The following SRBD1 variants were observed in gnomAD, a reference collection of about 807,000 sequenced individuals.
SRBD1 encodes the protein S1 RNA-binding domain-containing protein 1.
SRBD1 carries 88 observed loss-of-function variants against 115.3 expected under a neutral mutation model. The observed-to-expected ratio is 0.76, with a 90% CI of 0.64 to 0.91. The LOEUF is 0.91. SRBD1 is among the 40% of genes least tolerant of loss of function. The probability of loss-of-function intolerance (pLI) is 0.00; values close to 1 mark genes in which losing one functional copy is unlikely to be tolerated. For missense variants in SRBD1, 1,385 were observed against 1,177.4 expected (o/e 1.18, Z -2.58); for synonymous variants, 509 against 407.7 (o/e 1.25, Z -2.99).
chr2:45,544,429 A>C (rs1341760571), intron 14 of SRBD1, among the ~76,000 whole-genome samples: 2 of 152,194 alleles, frequency 1.3e-5, no homozygotes, highest in Admixed American at 6.5e-5. Context: ...AAGCTAAAAG[A>C]GGATTAAAAC....
At chr2:45,405,434 G>A (rs1252873809) in intron 19 of SRBD1, among the ~76,000 whole-genome samples, 1 of 152,162 alleles carries the variant, frequency 6.6e-6, no homozygotes, top group Non-Finnish European at 1.5e-5. Flanking sequence ...TAGAAACATA[G>A]AGTTTCCATT....
At chr2:45,546,906 G>T in intron 13 of SRBD1, 67 bp from the exon 14 acceptor site, 1 of 1,418,654 alleles carries the variant, frequency 7.0e-7, no homozygotes, top group Non-Finnish European at 1.0e-6. Flanking sequence ...TGGAGAAAAT[G>T]TACAGAATGC....
chr2:45,446,190 C>G (rs1668819344), intron 16 of SRBD1, among the ~76,000 whole-genome samples: 1 of 152,182 alleles, frequency 6.6e-6, no homozygotes, highest in African/African-American at 2.4e-5. Context: ...TGATTCCCAG[C>G]AGGTTGGCTT....
intron 15 of SRBD1, among the ~76,000 whole-genome samples, chr2:45,487,391 A>G (rs1253543251): frequency 6.6e-6 from 1 of 152,142 alleles, no homozygotes; most frequent in Non-Finnish European, 1.5e-5. Flanking sequence ...ACTCTTCCAC[A>G]TTATAGAAAT....
intron 7 of SRBD1, 99 bp downstream of exon 7, chr2:45,579,776 G>A: frequency 7.7e-7 from 1 of 1,305,194 alleles, no homozygotes; most frequent in South Asian, 2.2e-5. Context: ...ATATTCTTTT[G>A]TATAATCAGT....
intron 10 of SRBD1, 44 bp downstream of exon 10, chr2:45,562,609 T>C (rs1383411636): frequency 1.4e-6 from 2 of 1,426,992 alleles, no homozygotes; most frequent in Non-Finnish European, 9.6e-7. Context: ...TATCATATTT[T>C]AGAAAAGAAA....
chr2:45,591,181 C>A (rs1174687503), intron 4 of SRBD1, among the ~76,000 whole-genome samples: 1 of 152,138 alleles, frequency 6.6e-6, no homozygotes, highest in Non-Finnish European at 1.5e-5. Context: ...AACCTAAGAT[C>A]AGTGCTTAAG....
chr2:45,594,305 G>C (rs567306562), intron 4 of SRBD1, among the ~76,000 whole-genome samples: 1 of 152,046 alleles, frequency 6.6e-6, no homozygotes, highest in African/African-American at 2.4e-5. Context: ...TAATAAAAAA[G>C]GTTTTGTTTG....
In SRBD1 at chr2:45,413,136, CTG is replaced by C; in HGVS notation, c.2489_2490del (p.Pro830ArgfsTer4). The C allele has an allele frequency of 6.2e-7, 1 of 1,613,934 alleles. No homozygotes were observed. The highest frequency in any genetic ancestry group is 8.5e-7 in the Non-Finnish European group (1 of 1,179,910). ...TACCTCATTGCTATGTCATATGATT[CTG>C]GATGAATACAAGTTTGGTCCAAAGG... ...PNPLDQTCIH[P>X]ESYDIAMRFL... On this transcript the variant is annotated frameshift_variant, in exon 19 of 21. Coordinates refer to ENST00000263736, the MANE Select transcript of SRBD1 (RefSeq NM_018079.5). LOFTEE classifies it high-confidence loss of function.
intron 16 of SRBD1, among the ~76,000 whole-genome samples, chr2:45,441,519 A>T (rs1668668207): frequency 6.6e-6 from 1 of 152,194 alleles, no homozygotes; most frequent in Non-Finnish European, 1.5e-5. Flanking sequence ...GTTTAGTTGA[A>T]GATCTCTTTG....
chr2:45,497,298 T>G (rs1160010832), intron 14 of SRBD1, among the ~76,000 whole-genome samples: 1 of 152,202 alleles, frequency 6.6e-6, no homozygotes. Flanking sequence ...GCCAGTTTAT[T>G]TTTACTGTCA....
intron 15 of SRBD1, among the ~76,000 whole-genome samples, chr2:45,485,500 C>T (rs1239712258): frequency 6.6e-6 from 1 of 152,146 alleles, no homozygotes; most frequent in African/African-American, 2.4e-5. Context: ...CAATCTTCCA[C>T]TTTAAATCCA....
At chr2:45,465,867 G>T (rs1056271915) in intron 16 of SRBD1, among the ~76,000 whole-genome samples, 11 of 152,124 alleles carry the variant, frequency 7.2e-5, no homozygotes, top group African/African-American at 2.7e-4. Flanking sequence ...AAACACAAAA[G>T]ACACATTTTC....
intron 14 of SRBD1, among the ~76,000 whole-genome samples, chr2:45,538,193 GA>G (rs1671825140): frequency 6.6e-6 from 1 of 152,202 alleles, no homozygotes. Flanking sequence ...GGAAATCTCA[GA>G]AAACAAAAAT....
intron 8 of SRBD1, among the ~76,000 whole-genome samples, chr2:45,573,867 A>G (rs1673095546): frequency 6.6e-6 from 1 of 152,194 alleles, no homozygotes; most frequent in South Asian, 2.1e-4. Flanking sequence ...AGAAAATACA[A>G]AAGTTCTTTC....
At chr2:45,446,441 C>A (rs1480167861) in intron 16 of SRBD1, among the ~76,000 whole-genome samples, 1 of 152,118 alleles carries the variant, frequency 6.6e-6, no homozygotes, top group East Asian at 1.9e-4. Context: ...CCATACCCTA[C>A]CACAATTGAA....
intron 14 of SRBD1, among the ~76,000 whole-genome samples, chr2:45,522,920 A>G (rs1671330862): frequency 1.3e-5 from 2 of 152,180 alleles, no homozygotes; most frequent in South Asian, 2.1e-4. Context: ...TTAGGGAGTC[A>G]AAAGTTATAC....
chr2:45,436,761 G>T (rs574028594), intron 16 of SRBD1, among the ~76,000 whole-genome samples: 4 of 152,152 alleles, frequency 2.6e-5, no homozygotes, highest in Non-Finnish European at 5.9e-5. Context: ...AAGACCTGAT[G>T]ATTACAATTC....
At chr2:45,591,059 G>C (rs1673706966) in intron 4 of SRBD1, among the ~76,000 whole-genome samples, 1 of 151,712 alleles carries the variant, frequency 6.6e-6, no homozygotes, top group Non-Finnish European at 1.5e-5. Flanking sequence ...CCCAGTCTCA[G>C]GTATGTCTTC....
Sources: gnomAD v4.1 joint callset for allele counts (sites outside exome capture counted in the v4.1 genomes callset) on GRCh38, gnomAD v4.1.1 for gene constraint, MANE v1.5 for transcripts, NCBI Gene and HGNC (gene_info 2026-07-23, HGNC 2026-07-21) for gene names.